Variants in CDKAL1 observed in about 807,000 individuals in gnomAD.
CDKAL1 encodes the protein CDKAL1 threonylcarbamoyladenosine tRNA methylthiotransferase, also known as threonylcarbamoyladenosine tRNA methylthiotransferase.
Under a neutral mutation model 68.2 loss-of-function variants are expected in CDKAL1, and 32 were observed. The ratio of observed to expected loss-of-function variants is 0.47; its 90% CI spans 0.35 to 0.63. The LOEUF is 0.63. Among genes scored for constraint, CDKAL1 ranks in the 30% least tolerant of loss-of-function variants. CDKAL1 has a pLI of 0.00. For missense variants in CDKAL1, 606 were observed against 696.7 expected (o/e 0.87, Z 1.47); for synonymous variants, 234 against 244.3 (o/e 0.96, Z 0.39).
intron 13 of CDKAL1, among the ~76,000 whole-genome samples, chr6:21,127,332 T>G (rs1775065420): frequency 6.6e-6 from 1 of 152,250 alleles, no homozygotes; most frequent in Admixed American, 6.5e-5. Flanking sequence ...GAGTAATATA[T>G]ATTTAATTCA....
chr6:20,725,709 G>T (rs6915155), intron 5 of CDKAL1, among the ~76,000 whole-genome samples: 65,131 of 151,458 alleles, frequency 0.43, 15,856 homozygotes, highest in Non-Finnish European at 0.55. Flanking sequence ...ACTTGAATCT[G>T]GGAGACCGAG....
chr6:21,161,229 T>C (rs1300680919), intron 13 of CDKAL1, among the ~76,000 whole-genome samples: 1 of 152,102 alleles, frequency 6.6e-6, no homozygotes, highest in African/African-American at 2.4e-5. Context: ...GCTACATTTT[T>C]TCCCTCCCCT....
chr6:20,790,943 A>G (rs2150390242), intron 8 of CDKAL1, among the ~76,000 whole-genome samples: 1 of 152,344 alleles, frequency 6.6e-6, no homozygotes, highest in South Asian at 2.1e-4. Flanking sequence ...TAGAAAACCA[A>G]TAAGGAAAGG....
intron 9 of CDKAL1, among the ~76,000 whole-genome samples, chr6:20,852,456 T>G (rs1386257357): frequency 1.3e-5 from 2 of 152,242 alleles, no homozygotes; most frequent in Non-Finnish European, 2.9e-5. Flanking sequence ...ACCTGGCTTT[T>G]TCTTCTGTTG....
intron 9 of CDKAL1, among the ~76,000 whole-genome samples, chr6:20,899,819 G>T (rs1283486305): frequency 6.6e-6 from 1 of 152,084 alleles, no homozygotes; most frequent in African/African-American, 2.4e-5. Context: ...CTCCAACCTG[G>T]GCGACAGAGC....
intron 10 of CDKAL1, among the ~76,000 whole-genome samples, chr6:20,998,424 C>T (rs1316113316): frequency 1.3e-5 from 2 of 152,030 alleles, no homozygotes; most frequent in Non-Finnish European, 2.9e-5. Context: ...CCAGCCTGAC[C>T]AACATGGTGA....
intron 11 of CDKAL1, among the ~76,000 whole-genome samples, chr6:21,047,399 C>G (rs1770300028): frequency 6.6e-6 from 1 of 152,144 alleles, no homozygotes. Flanking sequence ...TATTCCTTTC[C>G]CACCAGAGCT....
intron 4 of CDKAL1, among the ~76,000 whole-genome samples, chr6:20,621,799 C>A (rs1767207803): frequency 6.8e-6 from 1 of 146,244 alleles, no homozygotes; most frequent in Non-Finnish European, 1.5e-5. Context: ...CACTTTTTGG[C>A]ACTGCAAGAT....
intron 15 of CDKAL1, among the ~76,000 whole-genome samples, chr6:21,225,687 G>C (rs543252391): frequency 6.6e-6 from 1 of 152,136 alleles, no homozygotes; most frequent in Non-Finnish European, 1.5e-5. Context: ...CTGAACCTGC[G>C]TTCAGTTTGG....
chr6:20,716,532 A>C (rs541512805), intron 5 of CDKAL1, among the ~76,000 whole-genome samples: 1 of 144,378 alleles, frequency 6.9e-6, no homozygotes, highest in South Asian at 2.2e-4. Flanking sequence ...TAGATTGTGC[A>C]AATGAAAAGA....
intron 4 of CDKAL1, among the ~76,000 whole-genome samples, chr6:20,641,534 C>T (rs1768173972): frequency 6.6e-6 from 1 of 152,196 alleles, no homozygotes; most frequent in African/African-American, 2.4e-5. Flanking sequence ...TACTTCTATC[C>T]ATTTTCTTTG....
At chr6:20,723,133 A>G (rs1772466355) in intron 5 of CDKAL1, among the ~76,000 whole-genome samples, 1 of 152,150 alleles carries the variant, frequency 6.6e-6, no homozygotes, top group Admixed American at 6.5e-5. Flanking sequence ...GTGATGAGGC[A>G]AGGGGCCAAC....
chr6:21,079,976 C>CTCTCTGTGTGTGTGTGTGTGTG (rs1554171489), intron 12 of CDKAL1, among the ~76,000 whole-genome samples: 1 of 135,750 alleles, frequency 7.4e-6, no homozygotes, highest in African/African-American at 2.8e-5. Context: ...AACTTTGTCT[C>CTCTCTGTGTGTGTGTGTGTGTG]TGTGTGTGTG....
chr6:21,014,814 ATC>A (rs1561962915), intron 11 of CDKAL1, among the ~76,000 whole-genome samples: 2 of 152,202 alleles, frequency 1.3e-5, no homozygotes, highest in African/African-American at 4.8e-5. Context: ...TCCTATTTTA[ATC>A]TCACAAATTA....
chr6:20,557,433 A>G (rs1411860737), intron 4 of CDKAL1, among the ~76,000 whole-genome samples: 8 of 152,208 alleles, frequency 5.3e-5, no homozygotes, highest in African/African-American at 1.9e-4. Flanking sequence ...ACATAGAATT[A>G]TATACAGAGA....
chr6:20,774,372 A>G (rs1775081166), intron 7 of CDKAL1, among the ~76,000 whole-genome samples: 1 of 152,118 alleles, frequency 6.6e-6, no homozygotes. Context: ...TAATAGATAT[A>G]TTTTGTAGCT....
At chr6:20,705,369 A>G (rs1210791049) in intron 5 of CDKAL1, among the ~76,000 whole-genome samples, 1 of 152,230 alleles carries the variant, frequency 6.6e-6, no homozygotes, top group African/African-American at 2.4e-5. Flanking sequence ...TCAATAAATG[A>G]AATTTTGTTT....
intron 9 of CDKAL1, among the ~76,000 whole-genome samples, chr6:20,854,660 T>C (rs920693659): frequency 1.2e-4 from 19 of 152,204 alleles, no homozygotes; most frequent in African/African-American, 9.7e-5. Flanking sequence ...GTTTTCATAG[T>C]TCAGAGTATG....
intron 5 of CDKAL1, among the ~76,000 whole-genome samples, chr6:20,678,233 T>C (rs1021932766): frequency 6.6e-6 from 1 of 152,206 alleles, no homozygotes. Flanking sequence ...TAGGTATCTA[T>C]AGATGTTCTA....
Sources: allele counts gnomAD v4.1 joint callset (sites outside exome capture counted in the v4.1 genomes callset), GRCh38; gene constraint gnomAD v4.1.1; transcripts MANE v1.5; gene names NCBI Gene and HGNC (gene_info 2026-07-23, HGNC 2026-07-21).